ZNF782: variants seen among roughly 807,000 people sequenced by gnomAD.
ZNF782 encodes zinc finger protein 782.
ZNF782 carries 12 observed loss-of-function variants against 13.0 expected under a neutral mutation model. The observed-to-expected ratio is 0.92, with a 90% CI of 0.59 to 1.50. ZNF782 has a LOEUF of 1.50. Ranked by LOEUF, ZNF782 falls within the 40% of genes most tolerant of loss-of-function variation. The pLI, the probability that ZNF782 is intolerant of heterozygous loss-of-function variation, is 0.00. For missense variants in ZNF782, 770 were observed against 822.9 expected (o/e 0.94, Z 0.79); for synonymous variants, 284 against 283.0 (o/e 1.00, Z -0.04).
the ZNF782 span, chr9:96,888,048 T>A: frequency 6.8e-6 from 1 of 146,818 alleles, no homozygotes; most frequent in Admixed American, 6.8e-5. Flanking sequence ...GGGATAGCAT[T>A]TGGAGATATA....
chr9:96,882,268 T>C, the ZNF782 span, among the ~76,000 whole-genome samples: 1 of 152,100 alleles, frequency 6.6e-6, no homozygotes, highest in Admixed American at 6.5e-5. Context: ...TCTGAGATAT[T>C]GGACAGAAGC....
chr9:96,863,658 C>T (rs1405246147), intron 1 of ZNF782, among the ~76,000 whole-genome samples: 3 of 152,160 alleles, frequency 2.0e-5, no homozygotes, highest in Admixed American at 1.3e-4. Flanking sequence ...AGAATATATG[C>T]ACCACGGAAT....
chr9:96,854,844 T>A (rs1851617465), upstream of ZNF782, among the ~76,000 whole-genome samples: 1 of 152,028 alleles, frequency 6.6e-6, no homozygotes, highest in African/African-American at 2.4e-5. Context: ...GATTGGGAAT[T>A]GCAAATATTG....
the ZNF782 span, among the ~76,000 whole-genome samples, chr9:96,906,501 G>A: frequency 2.1e-3 from 318 of 151,058 alleles, no homozygotes; most frequent in African/African-American, 7.0e-3. Flanking sequence ...CCTCTGGTCC[G>A]ATTAATTTGC....
chr9:96,926,767 C>G, the ZNF782 span, among the ~76,000 whole-genome samples: 77 of 152,316 alleles, frequency 5.1e-4, no homozygotes, highest in African/African-American at 1.9e-3. Flanking sequence ...TGGCCTGTTA[C>G]GTTTTCTGCA....
Position 96,818,631 on chromosome 9 carries a change from G to A in ZNF782, c.1392C>T (p.Ile464=), listed in dbSNP as rs1276770096. 1 of 1,613,978 alleles carries A rather than the reference G, an allele frequency of 6.2e-7. No individual in the cohort carries two copies. The highest frequency in any genetic ancestry group is 1.3e-5 in the African/African-American group (1 of 74,968). The part of the protein sequence containing the change: ...ECGKSFNYKS[I]LIVHQRTHTG... ...TGTGAGTTCTCTGATGCACTATGAG[G>A]ATTGACTTATAGTTAAAAGATTTCC... The change falls in exon 6 of 6, where the codon ATC becomes ATT. Residue 464 remains isoleucine (I), a synonymous_variant. Transcript: ENST00000481138.
rs765771674 is a variant in ZNF782 at position 96,819,241 on chromosome 9, G to A, written c.782C>T (p.Pro261Leu). ...NKYDKSTFIIPQNMNPEKSHY... is the reference protein window; with the variant it reads ...NKYDKSTFIILQNMNPEKSHY... Reference sequence around the variant, plus strand: ...ACTCTTCTCTGGATTCATGTTCTGAGGAATAATAAAGGTTGATTTATCATA... The same window carrying A: ...ACTCTTCTCTGGATTCATGTTCTGAAGAATAATAAAGGTTGATTTATCATA... The change falls in exon 6 of 6, where the codon CCT (proline) becomes CTT (leucine). Residue 261 changes from proline (P) to leucine (L), a missense_variant. Transcript: ENST00000481138. The A allele has an allele frequency of 2.5e-6, 4 of 1,610,656 alleles. No individual in the cohort carries two copies. Among genetic ancestry groups the A allele is most frequent in the East Asian group, 4.5e-5 (2 of 44,854 alleles).
chr9:96,894,584 T>G, the ZNF782 span: 1 of 152,200 alleles, frequency 6.6e-6, no homozygotes, highest in Non-Finnish European at 1.5e-5. Flanking sequence ...GTATTCAGAG[T>G]TGAGCCCAAT....
the ZNF782 span, among the ~76,000 whole-genome samples, chr9:96,912,162 C>T: frequency 1.4e-5 from 2 of 142,368 alleles, no homozygotes; most frequent in African/African-American, 5.3e-5. Flanking sequence ...GATCCGCCAT[C>T]GCACTGCAGC....
At chr9:96,929,238 C>A in the ZNF782 span, among the ~76,000 whole-genome samples, 1 of 152,112 alleles carries the variant, frequency 6.6e-6, no homozygotes, top group Non-Finnish European at 1.5e-5. Flanking sequence ...AGAGGCGGAC[C>A]AAGATGCCTG....
At chr9:96,859,256 A>G (rs1851677354), upstream of ZNF782, among the ~76,000 whole-genome samples, 1 of 152,156 alleles carries the variant, frequency 6.6e-6, no homozygotes, top group African/African-American at 2.4e-5. Flanking sequence ...GCTTGGAGCC[A>G]GTGTATTTGG....
At chr9:96,840,460 G>A (rs1325977995) in intron 4 of ZNF782, among the ~76,000 whole-genome samples, 1 of 151,862 alleles carries the variant, frequency 6.6e-6, no homozygotes, top group Non-Finnish European at 1.5e-5. Context: ...CTCCCCTCAT[G>A]TATCCTTCAC....
At chr9:96,921,844 C>T in the ZNF782 span, among the ~76,000 whole-genome samples, 1 of 151,172 alleles carries the variant, frequency 6.6e-6, no homozygotes, top group East Asian at 2.0e-4. Context: ...CAGGCGCCCA[C>T]AACCACGCCC....
At position 96,818,230 on chromosome 9, in the gene ZNF782, G is replaced by A. The variant is rs1410384227; in HGVS notation, c.1793C>T (p.Thr598Ile). 6.2e-7 allele frequency: 1 copy of A among 1,613,950 alleles called. No homozygotes were observed. The highest frequency in any genetic ancestry group is 1.1e-5 in the South Asian group (1 of 91,070). The change falls in exon 6 of 6, where the codon ACA (threonine) becomes ATA (isoleucine). Residue 598 changes from threonine to isoleucine, a missense_variant. Thr to Ile is a moderately conservative substitution (Grantham distance 89). Transcript: ENST00000481138. Reference protein sequence around the residue: ...KPYQCEECGKTFRQKSNLRGH... With the variant: ...KPYQCEECGKIFRQKSNLRGH... ...TCTGAGATTTGATTTCTGCCTGAAT[G>A]TTTTTCCACACTCCTCACATTGATA...
chr9:96,877,937 G>C (rs575380751), upstream of ZNF782, among the ~76,000 whole-genome samples: 1 of 151,606 alleles, frequency 6.6e-6, no homozygotes, highest in South Asian at 2.1e-4. Flanking sequence ...AACTCGTAAA[G>C]ACTAAAGGTA....
chr9:96,892,798 C>A, the ZNF782 span: 1 of 151,844 alleles, frequency 6.6e-6, no homozygotes, highest in Non-Finnish European at 1.5e-5. Flanking sequence ...TGGCTTATAT[C>A]ATTCGTGAAC....
At chr9:96,827,032 C>T in intron 5 of ZNF782, 48 bp downstream of exon 5, 1 of 1,261,758 alleles carries the variant, frequency 7.9e-7, no homozygotes, top group East Asian at 2.3e-5. Context: ...TGTGTGAGTA[C>T]TCCTAGTGAA....
chr9:96,830,197 A>C (rs1400175587), intron 4 of ZNF782, among the ~76,000 whole-genome samples: 1 of 152,222 alleles, frequency 6.6e-6, no homozygotes, highest in Non-Finnish European at 1.5e-5. Context: ...TCAGCCAAAC[A>C]CAAAATAAAA....
chr9:96,846,503 A>G (rs1324855645), intron 3 of ZNF782, among the ~76,000 whole-genome samples: 2 of 152,186 alleles, frequency 1.3e-5, no homozygotes, highest in African/African-American at 4.8e-5. Context: ...GGAAAAAAAT[A>G]TTCCATGCAA....
Sources: gnomAD v4.1 joint callset for allele counts (sites outside exome capture counted in the v4.1 genomes callset) on GRCh38, gnomAD v4.1.1 for gene constraint, MANE v1.5 for transcripts, NCBI Gene and HGNC (gene_info 2026-07-23, HGNC 2026-07-21) for gene names.